The following PDE4D variants were observed in gnomAD, a reference collection of about 807,000 sequenced individuals.
The protein encoded by PDE4D is phosphodiesterase 4D, also known as 3',5'-cyclic-AMP phosphodiesterase 4D.
A neutral mutation model predicts 87.4 loss-of-function variants in PDE4D; 24 were observed. That is an observed-to-expected ratio of 0.27 (90% confidence interval 0.20 to 0.39). The LOEUF (loss-of-function observed/expected upper bound fraction) is 0.39, where lower values mean the gene tolerates loss of function less well. Ranked by LOEUF, PDE4D falls within the 10% of genes least tolerant of loss-of-function variation. The probability of loss-of-function intolerance (pLI) is 1.00; values close to 1 mark genes in which losing one functional copy is unlikely to be tolerated. For synonymous variants in PDE4D, 384 were observed against 383.2 expected (o/e 1.00, Z -0.02); for missense variants, 714 against 1,041.0 (o/e 0.69, Z 4.32).
At chr5:60,495,195 G>T (rs1158318176) in intron 1 of PDE4D, among the ~76,000 whole-genome samples, 1 of 152,188 alleles carries the variant, frequency 6.6e-6, no homozygotes, top group Non-Finnish European at 1.5e-5. Flanking sequence ...GACATGAGTT[G>T]CTCTATATCT....
In PDE4D at chr5:59,933,793, A is replaced by ATATATATATATAT. The variant is rs1343398649; in HGVS notation, c.272+54694_272+54695insATATATATATATA. On this transcript the variant is annotated intron_variant, in intron 3 of 16. Coordinates refer to the PDE4D transcript ENST00000502484. ...GGAGATATATATATATATATATATT[A>ATATATATATATAT]ATAAGCATTCATATAAAAGATAATA... Among the ~76,000 whole-genome samples the ATATATATATATAT allele has an allele frequency of 5.1e-3, 181 of 35,582 alleles. 2 individuals are homozygous for ATATATATATATAT. The highest frequency in any genetic ancestry group is 0.028 in the African/African-American group (177 of 6,338). The allele number at this position is 35,582 out of a possible 152,430, so 23.3% of individuals were successfully genotyped here. A position where few individuals can be genotyped will look rare whatever the true frequency, so the allele number is the denominator to read the frequency against.
At chr5:59,117,211 G>T (rs1022296224) in intron 5 of PDE4D, among the ~76,000 whole-genome samples, 3 of 152,148 alleles carry the variant, frequency 2.0e-5, no homozygotes, top group Admixed American at 6.5e-5. Flanking sequence ...CTTACATGAG[G>T]CAGGTCTCTT....
chr5:59,681,082 T>C (rs1748918192), intron 1 of PDE4D, among the ~76,000 whole-genome samples: 1 of 152,086 alleles, frequency 6.6e-6, no homozygotes. Flanking sequence ...CTAAAAACCA[T>C]TCTTTACTGA....
intron 1 of PDE4D, among the ~76,000 whole-genome samples, chr5:59,478,265 T>C (rs547008665): frequency 1.6e-4 from 25 of 152,258 alleles, no homozygotes; most frequent in Admixed American, 3.3e-4. Flanking sequence ...TGGGAATATT[T>C]ACATCTATTT....
Position 59,427,735 on chromosome 5 carries a change from A to G in PDE4D, c.456-211767T>C, listed in dbSNP as rs1217010773. ...ACTACTTGGTAAGCTGAAGTGGATC[A>G]TTTGAGCCCAGGAGTTCTAGGCTGC... On this transcript the variant is annotated intron_variant, in intron 1 of 14. Coordinates refer to ENST00000340635, the MANE Select transcript of PDE4D (RefSeq NM_001104631.2). Among the ~76,000 whole-genome samples the G allele has an allele frequency of 3.3e-5, 5 of 150,984 alleles. No individual in the cohort carries two copies. In the Admixed American group the frequency reaches 3.3e-4, roughly 10 times the overall value.
chr5:60,032,943 G>C (rs1767401490), intron 2 of PDE4D: 3 of 152,102 alleles, frequency 2.0e-5, no homozygotes, highest in African/African-American at 7.2e-5. Flanking sequence ...TTGAAGTTAG[G>C]TCAGGAGAAT....
intron 1 of PDE4D, among the ~76,000 whole-genome samples, chr5:60,340,607 T>TAAAAAAAAA (rs10583972): frequency 7.2e-6 from 1 of 138,548 alleles, no homozygotes; most frequent in Non-Finnish European, 1.6e-5. Context: ...TCACATCATT[T>TAAAAAAAAA]AAAAAAAAAA....
chr5:59,622,200 C>T (rs190019855), intron 1 of PDE4D, among the ~76,000 whole-genome samples: 3 of 152,232 alleles, frequency 2.0e-5, no homozygotes, highest in East Asian at 3.9e-4. Context: ...CATATGCACA[C>T]AAACACATAC....
At position 59,787,451 on chromosome 5, in the gene PDE4D, C is replaced by T. The variant is rs541659699; in HGVS notation, c.455+105717G>A. Among the ~76,000 whole-genome samples the T allele has an allele frequency of 2.0e-5, 3 of 152,318 alleles. No individual in the cohort carries two copies. The South Asian group carries it at 6.2e-4, about 32-fold the overall frequency. On this transcript the variant is annotated intron_variant, in intron 1 of 14. Transcript: ENST00000340635. ...TTCACCTCTCAAACAGAAGGAATCACACCCTTTGTCACTTGTATTCACTAC... is the reference window on the plus strand; with the variant it reads ...TTCACCTCTCAAACAGAAGGAATCATACCCTTTGTCACTTGTATTCACTAC...
Position 59,521,278 on chromosome 5 carries a change from T to G in PDE4D, c.456-305310A>C, listed in dbSNP as rs550792795. 5.9e-5 allele frequency among the ~76,000 whole-genome samples: 9 copies of G among 152,178 alleles called. No individual in the cohort carries two copies. In the South Asian group the frequency reaches 1.9e-3, roughly 32 times the overall value. ...AGCAGATATCTTGTCTTTACATCAG[T>G]GCATTCCTGATGTATAAGGGAGACT... is the stretch of plus-strand genomic sequence containing the variant. On this transcript the variant is annotated intron_variant, in intron 1 of 14. Transcript: ENST00000340635.
chr5:60,418,561 G>T, intron 1 of PDE4D, among the ~76,000 whole-genome samples: 1 of 151,346 alleles, frequency 6.6e-6, no homozygotes, highest in Non-Finnish European at 1.5e-5. Context: ...GACTCTTTTT[G>T]TCTTTTTTTG....
At chr5:59,922,776 C>T (rs1219733534) in intron 3 of PDE4D, among the ~76,000 whole-genome samples, 1 of 151,826 alleles carries the variant, frequency 6.6e-6, no homozygotes, top group African/African-American at 2.4e-5. Context: ...CAGAACATTC[C>T]CAGCTGTAGT....
At chr5:59,934,821 A>C (rs1024244294) in intron 3 of PDE4D, among the ~76,000 whole-genome samples, 1 of 152,200 alleles carries the variant, frequency 6.6e-6, no homozygotes, top group Non-Finnish European at 1.5e-5. Flanking sequence ...GGAGGTTGGG[A>C]GTTTCCAGGC....
At chr5:58,979,879 C>T (rs1744688492) in intron 11 of PDE4D, among the ~76,000 whole-genome samples, 1 of 152,172 alleles carries the variant, frequency 6.6e-6, no homozygotes. Context: ...TACTTAGAGA[C>T]TTAAGCCCCT....
At chr5:60,065,689 T>TG in intron 2 of PDE4D, among the ~76,000 whole-genome samples, 1 of 152,270 alleles carries the variant, frequency 6.6e-6, no homozygotes, top group African/African-American at 2.4e-5. Flanking sequence ...TATGCGTGTT[T>TG]GCTTTTTTGT....
At chr5:59,814,960 C>T (rs959238475) in intron 1 of PDE4D, among the ~76,000 whole-genome samples, 12 of 152,136 alleles carry the variant, frequency 7.9e-5, no homozygotes, top group African/African-American at 2.7e-4. Flanking sequence ...AAGAACAGCA[C>T]AGAGTCTCAG....
At chr5:60,093,140 G>A (rs1230046669) in intron 2 of PDE4D, among the ~76,000 whole-genome samples, 1 of 152,200 alleles carries the variant, frequency 6.6e-6, no homozygotes, top group Admixed American at 6.5e-5. Context: ...TTCTGAAGAA[G>A]CCTTGAAGTG....
chr5:59,545,065 C>A (rs543641004), intron 1 of PDE4D, among the ~76,000 whole-genome samples: 1 of 152,140 alleles, frequency 6.6e-6, no homozygotes. Context: ...AGCAAAAGAA[C>A]CTCAGAGGTA....
intron 5 of PDE4D, among the ~76,000 whole-genome samples, chr5:59,108,138 A>G (rs1220614705): frequency 1.3e-5 from 2 of 152,140 alleles, no homozygotes; most frequent in Non-Finnish European, 2.9e-5. Flanking sequence ...GCAATAGAAA[A>G]CTGAAACTGA....
Sources: allele counts gnomAD v4.1 joint callset (sites outside exome capture counted in the v4.1 genomes callset), GRCh38; gene constraint gnomAD v4.1.1; transcripts MANE v1.5; gene names NCBI Gene and HGNC (gene_info 2026-07-23, HGNC 2026-07-21).